SDK1: variants seen among roughly 807,000 people sequenced by gnomAD.
SDK1 encodes the protein sidekick cell adhesion molecule 1.
A neutral mutation model predicts 245.5 loss-of-function variants in SDK1; 157 were observed. The observed-to-expected ratio is 0.64, with a 90% CI of 0.56 to 0.73. SDK1 has a LOEUF of 0.73. Ranked by LOEUF, SDK1 falls within the 30% of genes least tolerant of loss-of-function variation. The pLI, the probability that SDK1 is intolerant of heterozygous loss-of-function variation, is 0.00. For missense variants in SDK1, 3,583 were observed against 3,002.3 expected (o/e 1.19, Z -4.52); for synonymous variants, 1,647 against 1,278.5 (o/e 1.29, Z -6.15).
chr7:4,260,061 G>A (rs940472643), intron 44 of SDK1, among the ~76,000 whole-genome samples: 3 of 152,084 alleles, frequency 2.0e-5, no homozygotes, highest in Admixed American at 6.5e-5. Context: ...ATCGTCACCC[G>A]ATGAAGGAGA....
Position 3,507,076 on chromosome 7 carries a change from T to C in SDK1, c.299-112004T>C, listed in dbSNP as rs75103672. On this transcript the variant is annotated intron_variant, in intron 1 of 44. Coordinates refer to ENST00000404826, the MANE Select transcript of SDK1 (RefSeq NM_152744.4). ...TTGGTGGGTGAACTGTGTATTATCATATGGTTTGTTTAGCCCTAATCCCGG... is the reference window on the plus strand; with the variant it reads ...TTGGTGGGTGAACTGTGTATTATCACATGGTTTGTTTAGCCCTAATCCCGG... Among the ~76,000 whole-genome samples the C allele has an allele frequency of 6.0e-4, 92 of 152,290 alleles. No individual in the cohort carries two copies. In the East Asian group the frequency reaches 0.017, roughly 27 times the overall value.
intron 44 of SDK1, among the ~76,000 whole-genome samples, chr7:4,262,348 A>G (rs74361499): frequency 0.07 from 10,635 of 151,718 alleles, 454 homozygotes; most frequent in African/African-American, 0.12. Context: ...GGTCCTTCCA[A>G]TGACTTCACA....
At chr7:3,813,184 A>G (rs565236357) in intron 4 of SDK1, among the ~76,000 whole-genome samples, 1 of 150,022 alleles carries the variant, frequency 6.7e-6, no homozygotes, top group African/African-American at 2.4e-5. Context: ...ATATGTATAC[A>G]TGTGCCATGC....
chr7:3,661,294 A>G (rs537098972), intron 4 of SDK1, among the ~76,000 whole-genome samples: 11 of 152,256 alleles, frequency 7.2e-5, no homozygotes, highest in Non-Finnish European at 1.5e-4. Flanking sequence ...TGTATGGATT[A>G]ACATTGCTGG....
At chr7:3,774,474 C>T (rs549900502) in intron 4 of SDK1, among the ~76,000 whole-genome samples, 63 of 152,312 alleles carry the variant, frequency 4.1e-4, no homozygotes, top group African/African-American at 1.5e-3. Context: ...CAGCTGCCTG[C>T]CATGGGACTG....
At chr7:3,666,693 GT>G (rs5882000) in intron 4 of SDK1, among the ~76,000 whole-genome samples, 50,148 of 151,964 alleles carry the variant, frequency 0.33, 8,443 homozygotes, top group Non-Finnish European at 0.38. Flanking sequence ...TAAATTAATT[GT>G]TTTATGCCTA....
intron 4 of SDK1, among the ~76,000 whole-genome samples, chr7:3,776,119 G>A (rs1780552955): frequency 6.6e-6 from 1 of 152,222 alleles, no homozygotes; most frequent in Non-Finnish European, 1.5e-5. Flanking sequence ...ACTCATGTAT[G>A]CTGTGTGATC....
intron 5 of SDK1, among the ~76,000 whole-genome samples, chr7:3,857,944 G>C (rs1467608150): frequency 6.6e-6 from 1 of 152,086 alleles, no homozygotes; most frequent in Non-Finnish European, 1.5e-5. Flanking sequence ...ATTTTTAAAA[G>C]GAACAAATAG....
chr7:3,861,793 A>T (rs1780698401), intron 5 of SDK1, among the ~76,000 whole-genome samples: 1 of 152,198 alleles, frequency 6.6e-6, no homozygotes, highest in Non-Finnish European at 1.5e-5. Flanking sequence ...TCTCCCGTCA[A>T]TGTGAACCTA....
chr7:3,822,324 A>G lies in SDK1; in HGVS notation c.847+741A>G, dbSNP rs547265428. ...AAATGAAATTGTCATGCGGTTGAGA[A>G]AATAGGGTTGAAACTAGTCATGGCG... On this transcript the variant is annotated intron_variant, in intron 5 of 44. Transcript: ENST00000404826. 7.9e-5 allele frequency among the ~76,000 whole-genome samples: 12 copies of G among 152,368 alleles called. No homozygotes were observed. In the South Asian group the frequency reaches 2.5e-3, roughly 32 times the overall value.
chr7:4,111,491 G>T (rs1783342336), intron 23 of SDK1, among the ~76,000 whole-genome samples: 1 of 151,176 alleles, frequency 6.6e-6, no homozygotes, highest in South Asian at 2.1e-4. Flanking sequence ...TCTTTATGAA[G>T]AATTTTTCTT....
Position 4,267,019 on chromosome 7 carries a change from C to A in SDK1, c.*1635C>A. The A allele has an allele frequency of 1.0e-6, 1 of 985,570 alleles. No homozygotes were observed. The highest frequency in any genetic ancestry group is 1.2e-6 in the Non-Finnish European group (1 of 830,040). 61.1% of individuals were successfully genotyped at this position (985,570 alleles called of 1,614,324 possible). A position where few individuals can be genotyped will look rare whatever the true frequency, so the allele number is the denominator to read the frequency against. On this transcript the variant is annotated 3_prime_UTR_variant, in exon 45 of 45. Transcript: ENST00000404826. ...CCTGCTTACCTAGATGTTTTGTGCACCTCCATGGGCAGAGGGTGTGGATAT... is the reference window on the plus strand; with the variant it reads ...CCTGCTTACCTAGATGTTTTGTGCAACTCCATGGGCAGAGGGTGTGGATAT...
chr7:3,493,406 T>G (rs11981422), intron 1 of SDK1, among the ~76,000 whole-genome samples: 14,550 of 152,240 alleles, frequency 0.096, 952 homozygotes, highest in African/African-American at 0.18. Context: ...TTCATCAGAT[T>G]TTAATGGATG....
At chr7:3,863,798 C>T (rs755506105) in intron 5 of SDK1, among the ~76,000 whole-genome samples, 69 of 152,338 alleles carry the variant, frequency 4.5e-4, no homozygotes, top group Non-Finnish European at 6.9e-4. Context: ...AATATTCCAT[C>T]GTACGGATGG....
chr7:4,227,548 C>G, intron 40 of SDK1: 1 of 439,114 alleles, frequency 2.3e-6, no homozygotes, highest in Non-Finnish European at 4.7e-6. Flanking sequence ...AAGAAATAAA[C>G]AACTGACAGG....
At chr7:3,314,105 T>C (rs1042836250) in intron 1 of SDK1, among the ~76,000 whole-genome samples, 2 of 152,304 alleles carry the variant, frequency 1.3e-5, no homozygotes, top group African/African-American at 4.8e-5. Context: ...GAGAGCCCTT[T>C]AAGCCATACA....
At chr7:3,889,460 T>C (rs971235630) in intron 5 of SDK1, among the ~76,000 whole-genome samples, 1 of 151,720 alleles carries the variant, frequency 6.6e-6, no homozygotes, top group African/African-American at 2.4e-5. Context: ...CGTGGTGGTG[T>C]CCAGAGGTGG....
At chr7:4,107,802 T>C (rs1254150392) in intron 22 of SDK1, among the ~76,000 whole-genome samples, 1 of 152,186 alleles carries the variant, frequency 6.6e-6, no homozygotes, top group African/African-American at 2.4e-5. Flanking sequence ...GAGCAGCTCG[T>C]CTTGCTTGCC....
At chr7:3,556,757 G>A (rs577582053) in intron 1 of SDK1, among the ~76,000 whole-genome samples, 28 of 152,222 alleles carry the variant, frequency 1.8e-4, no homozygotes, top group Non-Finnish European at 3.4e-4. Context: ...TCACGCCACT[G>A]CACTCCAGCC....
Sources: gnomAD v4.1 joint callset for allele counts (sites outside exome capture counted in the v4.1 genomes callset) on GRCh38, gnomAD v4.1.1 for gene constraint, MANE v1.5 for transcripts, NCBI Gene and HGNC (gene_info 2026-07-23, HGNC 2026-07-21) for gene names.